RICTOR: variants seen among roughly 807,000 people sequenced by gnomAD.
RICTOR encodes the protein RPTOR independent companion of MTOR complex 2.
RICTOR carries 49 observed loss-of-function variants against 214.9 expected under a neutral mutation model. The ratio of observed to expected loss-of-function variants is 0.23; its 90% CI spans 0.18 to 0.29. The LOEUF is 0.29. Ranked by LOEUF, RICTOR falls within the 10% of genes least tolerant of loss-of-function variation. The pLI is 1.00. For missense variants in RICTOR, 1,625 were observed against 2,047.0 expected (o/e 0.79, Z 3.98); for synonymous variants, 717 against 711.3 (o/e 1.01, Z -0.13).
chr5:38,946,450 C>A lies in RICTOR; in HGVS notation c.4399+18G>T, dbSNP rs754629560. 1 of 1,485,168 alleles carries A rather than the reference C, an allele frequency of 6.7e-7. No individual in the cohort carries two copies. Among genetic ancestry groups the A allele is most frequent in the East Asian group, 2.3e-5 (1 of 44,220 alleles). The allele number at this position is 1,485,168 out of a possible 1,614,324, so 92.0% of individuals were successfully genotyped here. A position where few individuals can be genotyped will look rare whatever the true frequency, so the allele number is the denominator to read the frequency against. ...AATATAAAGAGGCATCTCACAAGTACAATGCACAATGCATTACCTCCTGCA... is the reference window on the plus strand; with the variant it reads ...AATATAAAGAGGCATCTCACAAGTAAAATGCACAATGCATTACCTCCTGCA... On this transcript the variant is annotated intron_variant, in intron 33 of 37. Coordinates refer to ENST00000357387, the MANE Select transcript of RICTOR (RefSeq NM_152756.5).
At chr5:38,958,284 T>TA (rs923173869) in intron 24 of RICTOR, among the ~76,000 whole-genome samples, 159 bp downstream of exon 24, 10 of 149,640 alleles carry the variant, frequency 6.7e-5, no homozygotes, top group South Asian at 6.4e-4. Flanking sequence ...CCAAAAAAAT[T>TA]AAAAAAAAAG....
intron 2 of RICTOR, among the ~76,000 whole-genome samples, chr5:39,070,385 C>T (rs1000485618): frequency 1.3e-4 from 20 of 152,108 alleles, no homozygotes; most frequent in Non-Finnish European, 1.3e-4. Context: ...AGGAGAATGG[C>T]GTGAACCCGG....
chr5:39,020,178 T>C (rs1392662358), intron 3 of RICTOR, among the ~76,000 whole-genome samples: 1 of 152,188 alleles, frequency 6.6e-6, no homozygotes, highest in Non-Finnish European at 1.5e-5. Flanking sequence ...CTGGTGAAGA[T>C]GCTATGAACA....
intron 3 of RICTOR, among the ~76,000 whole-genome samples, chr5:39,005,470 T>C (rs185339276): frequency 4.2e-4 from 64 of 152,312 alleles, no homozygotes; most frequent in African/African-American, 1.5e-3. Context: ...ACTGTATTAT[T>C]CCCTTCTTGA....
intron 2 of RICTOR, among the ~76,000 whole-genome samples, chr5:39,023,503 C>T (rs1755587766): frequency 1.3e-5 from 2 of 152,294 alleles, no homozygotes; most frequent in South Asian, 4.1e-4. Flanking sequence ...TAGTTTGCCA[C>T]CTCCGGAATA....
chr5:38,988,584 T>C (rs1482720167), intron 7 of RICTOR, among the ~76,000 whole-genome samples: 2 of 152,160 alleles, frequency 1.3e-5, no homozygotes, highest in East Asian at 1.9e-4. Context: ...CTTATGTGTG[T>C]CTTTGCACGT....
rs80040488 is a variant in RICTOR, at chr5:39,047,828, C to G, written c.97+26283G>C. On this transcript the variant is annotated intron_variant, in intron 2 of 37. Transcript: ENST00000357387. The stretch of plus-strand genomic sequence containing the variant: ...CTATGGACCTGTACAATTAATACTA[C>G]CAAAGTGAAAATGTTGCACTCTTTT... Among the ~76,000 whole-genome samples the G allele has an allele frequency of 5.7e-3, 875 of 152,188 alleles. 14 individuals are homozygous for G. The highest frequency in any genetic ancestry group is 0.018 in the African/African-American group (767 of 41,504).
chr5:39,066,580 G>A (rs1362707298), intron 2 of RICTOR, among the ~76,000 whole-genome samples: 1 of 152,210 alleles, frequency 6.6e-6, no homozygotes, highest in Non-Finnish European at 1.5e-5. Flanking sequence ...ACATGGCTAG[G>A]CTGCAAATTT....
At chr5:39,009,340 G>A (rs1754313175) in intron 3 of RICTOR, among the ~76,000 whole-genome samples, 2 of 152,032 alleles carry the variant, frequency 1.3e-5, no homozygotes, top group African/African-American at 4.8e-5. Context: ...TAGTGAAAAA[G>A]TTAAACAAAA....
Position 38,971,897 on chromosome 5 carries a change from T to A in RICTOR, c.952A>T (p.Ile318Leu). ...GIQSLIGVLCIPNMEIRRGLL... is the reference protein window; with the variant it reads ...GIQSLIGVLCLPNMEIRRGLL... ...CCTACCCTTATTTCCATATTTGGTA[T>A]GCAAAGTACTCCTATTAGAGACTGG... Residue 318 changes from isoleucine (I) to leucine (L), a missense_variant, in exon 11 of 38, where the codon ATA becomes TTA. Around this residue, in one of 5 missense-constraint regions of RICTOR, gnomAD observed 258 missense variants for 393.7 expected, o/e 0.66. Coordinates refer to ENST00000357387, the MANE Select transcript of RICTOR (RefSeq NM_152756.5). 4 of 1,436,990 alleles carry A rather than the reference T, an allele frequency of 2.8e-6. No individual in the cohort carries two copies. The highest frequency in any genetic ancestry group is 3.9e-6 in the Non-Finnish European group (4 of 1,021,012). 89.0% of individuals were successfully genotyped at this position (1,436,990 alleles called of 1,614,324 possible). A position where few individuals can be genotyped will look rare whatever the true frequency, so the allele number is the denominator to read the frequency against.
At chr5:38,983,888 C>G (rs768278959) in intron 7 of RICTOR, among the ~76,000 whole-genome samples, 6 of 152,098 alleles carry the variant, frequency 3.9e-5, no homozygotes, top group Non-Finnish European at 8.8e-5. Context: ...TTGCCTGAAC[C>G]CAGGAGGCGG....
intron 3 of RICTOR, among the ~76,000 whole-genome samples, chr5:39,017,868 CTCTT>C (rs1297270218): frequency 6.6e-6 from 1 of 152,062 alleles, no homozygotes; most frequent in Non-Finnish European, 1.5e-5. Flanking sequence ...TTACTTGAGA[CTCTT>C]TATTGAACTG....
chr5:39,028,618 T>C (rs1756038456), intron 2 of RICTOR, among the ~76,000 whole-genome samples: 1 of 152,194 alleles, frequency 6.6e-6, no homozygotes, highest in African/African-American at 2.4e-5. Context: ...AATATACTTG[T>C]ACAAGAATAT....
At chr5:38,958,224 G>T (rs375386508) in intron 24 of RICTOR, among the ~76,000 whole-genome samples, 1 of 151,650 alleles carries the variant, frequency 6.6e-6, no homozygotes, top group Non-Finnish European at 1.5e-5. Context: ...ATGACAAAGC[G>T]AGGCCGTCTC....
At chr5:38,971,207 T>C (rs1750752505) in intron 11 of RICTOR, 1 of 152,108 alleles carries the variant, frequency 6.6e-6, no homozygotes, top group African/African-American at 2.4e-5. Context: ...TTTGTATTTT[T>C]AGTAGAGACG....
At chr5:39,055,718 T>C (rs1758163316) in intron 2 of RICTOR, among the ~76,000 whole-genome samples, 2 of 152,216 alleles carry the variant, frequency 1.3e-5, no homozygotes, top group Admixed American at 6.5e-5. Context: ...ATAAAGAAGA[T>C]GTTCAACACT....
chr5:38,962,397 T>C, intron 18 of RICTOR, 36 bp from the exon 19 acceptor site: 1 of 1,179,432 alleles, frequency 8.5e-7, no homozygotes, highest in South Asian at 1.4e-5. Flanking sequence ...ACATATGTAC[T>C]TATCAATTCT....
intron 2 of RICTOR, among the ~76,000 whole-genome samples, chr5:39,026,560 G>C (rs1242823255): frequency 6.6e-6 from 1 of 151,916 alleles, no homozygotes; most frequent in Non-Finnish European, 1.5e-5. Context: ...CAAATATCCA[G>C]TGATTTAATA....
chr5:38,963,252 T>C (rs1749944224), intron 16 of RICTOR, among the ~76,000 whole-genome samples: 2 of 152,050 alleles, frequency 1.3e-5, no homozygotes, highest in Non-Finnish European at 2.9e-5. Context: ...CAATTGAACA[T>C]GTACTTACTA....
Sources: allele counts gnomAD v4.1 joint callset (sites outside exome capture counted in the v4.1 genomes callset), GRCh38; gene constraint gnomAD v4.1.1; regional missense constraint gnomAD v4.1.1; transcripts MANE v1.5; gene names NCBI Gene and HGNC (gene_info 2026-07-23, HGNC 2026-07-21).